The following PRKCE variants were observed in gnomAD, a reference collection of about 807,000 sequenced individuals.
PRKCE encodes the protein protein kinase C epsilon.
Under a neutral mutation model 85.4 loss-of-function variants are expected in PRKCE, and 16 were observed. That is an observed-to-expected ratio of 0.19 (90% confidence interval 0.13 to 0.28). The LOEUF is 0.28. Ranked by LOEUF, PRKCE falls within the 10% of genes least tolerant of loss-of-function variation. The pLI is 1.00. For synonymous variants in PRKCE, 388 were observed against 371.5 expected, an observed-to-expected ratio of 1.04 and a Z score of -0.51; for missense variants, 573 against 975.2, an observed-to-expected ratio of 0.59 and a Z score of 5.49.
Position 45,774,113 on chromosome 2 carries a change from T to G in PRKCE, c.349-68887T>G, listed in dbSNP as rs1385598849. 2.0e-5 allele frequency among the ~76,000 whole-genome samples: 3 copies of G among 152,162 alleles called. No homozygotes were observed. Among genetic ancestry groups the G allele is most frequent in the Non-Finnish European group, 4.4e-5 (3 of 68,020 alleles). On this transcript the variant is annotated intron_variant, in intron 1 of 14. Transcript: ENST00000306156. The surrounding 1 kb of genome is among the most constrained non-coding windows in gnomAD (Gnocchi z 4.3). ...CCACCCTTTGTTGGTAGGACCTCCC[T>G]TGGAGAGATGGGGGCTGGAGGGAGC... is the stretch of plus-strand genomic sequence containing the variant.
At position 45,815,258 on chromosome 2, in the gene PRKCE, G is replaced by A. The variant is rs376972523; in HGVS notation, c.349-27742G>A. ...CAAGAAAATAATTTTTTTTTACAAT[G>A]TTTATCCAGAAATAATTTGACAAAG... On this transcript the variant is annotated intron_variant, in intron 1 of 14. Coordinates refer to ENST00000306156, the MANE Select transcript of PRKCE (RefSeq NM_005400.3). Among the ~76,000 whole-genome samples, 9 of 152,246 alleles carry A rather than the reference G, an allele frequency of 5.9e-5. No individual in the cohort carries two copies. In the East Asian group the frequency reaches 1.5e-3, roughly 26 times the overall value.
intron 1 of PRKCE, chr2:45,685,541 G>A (rs1214495946): frequency 6.6e-6 from 1 of 152,058 alleles, no homozygotes; most frequent in Non-Finnish European, 1.5e-5. Context: ...TGTAATCCCG[G>A]CACTTTGGGA....
At chr2:45,893,828 A>T (rs914019770) in intron 2 of PRKCE, among the ~76,000 whole-genome samples, 1 of 152,100 alleles carries the variant, frequency 6.6e-6, no homozygotes, top group Non-Finnish European at 1.5e-5. Context: ...GCTCCTGAGG[A>T]CCGGGGCTGG....
intron 2 of PRKCE, among the ~76,000 whole-genome samples, chr2:45,849,533 G>A (rs1028096474): frequency 2.0e-5 from 3 of 152,122 alleles, no homozygotes; most frequent in Non-Finnish European, 4.4e-5. Flanking sequence ...CACTTGAGAG[G>A]TTAAGGAGAG....
intron 1 of PRKCE, among the ~76,000 whole-genome samples, chr2:45,696,249 C>T (rs1678142129): frequency 6.6e-6 from 1 of 152,004 alleles, no homozygotes. Flanking sequence ...AGCCACCACA[C>T]CTGGCCGAAA....
chr2:45,940,835 G>C (rs1699818525), intron 2 of PRKCE, among the ~76,000 whole-genome samples: 1 of 151,956 alleles, frequency 6.6e-6, no homozygotes, highest in Non-Finnish European at 1.5e-5. Context: ...AAAGCAGGCA[G>C]ATCACTTGAG....
chr2:45,833,094 G>A (rs1360113741), intron 1 of PRKCE, among the ~76,000 whole-genome samples: 1 of 147,912 alleles, frequency 6.8e-6, no homozygotes, highest in Non-Finnish European at 1.5e-5. Flanking sequence ...GAGGTGGAAG[G>A]ATCTCTTGAG....
intron 9 of PRKCE, among the ~76,000 whole-genome samples, chr2:46,007,886 TC>T (rs1188896077): frequency 6.6e-6 from 1 of 152,242 alleles, no homozygotes; most frequent in East Asian, 1.9e-4. Context: ...TCTTTGGAAT[TC>T]AATTTTTCTC....
At position 45,884,992 on chromosome 2, in the gene PRKCE, TATATATA is replaced by T. The variant is rs1445133231; in HGVS notation, c.412+41930_412+41936del. Among the ~76,000 whole-genome samples, 259 of 71,650 alleles carry T rather than the reference TATATATA, an allele frequency of 3.6e-3. 5 individuals carry two copies. The highest frequency in any genetic ancestry group is 0.021 in the Middle Eastern group (3 of 144). The allele number at this position is 71,650 out of a possible 152,430, so 47.0% of individuals were successfully genotyped here. On this transcript the variant is annotated intron_variant, in intron 2 of 14. Coordinates refer to ENST00000306156, the MANE Select transcript of PRKCE (RefSeq NM_005400.3). The stretch of plus-strand genomic sequence containing the variant: ...ATATATATATATATATATATATATA[TATATATA>T]TATTTGTTGTTGTTGTTGTTGTTTT...
In PRKCE at chr2:46,013,826, C is replaced by G. The variant is rs3738899; in HGVS notation, c.1437+3309C>G. On this transcript the variant is annotated intron_variant, in intron 10 of 14. Transcript: ENST00000306156. ...GGAAACATTCCTTTGAGAACTTCTT[C>G]TGAGAGATTAGACATTGCTTCAGAC... Among the ~76,000 whole-genome samples the G allele has an allele frequency of 4.1e-4, 63 of 152,262 alleles. 1 individual carries two copies. In the East Asian group the frequency reaches 0.011, roughly 27 times the overall value.
At chr2:45,829,770 C>T (rs1372827860) in intron 1 of PRKCE, among the ~76,000 whole-genome samples, 1 of 152,306 alleles carries the variant, frequency 6.6e-6, no homozygotes, top group Non-Finnish European at 1.5e-5. Flanking sequence ...GCCTAACTTT[C>T]ACATAAAAAA....
intron 6 of PRKCE, among the ~76,000 whole-genome samples, chr2:45,999,061 A>T (rs892850256): frequency 1.3e-5 from 2 of 152,198 alleles, no homozygotes; most frequent in African/African-American, 4.8e-5. Flanking sequence ...ATAATTACAC[A>T]TAATCAGCAC....
At chr2:45,904,675 G>A (rs1696838647) in intron 2 of PRKCE, among the ~76,000 whole-genome samples, 1 of 152,170 alleles carries the variant, frequency 6.6e-6, no homozygotes, top group African/African-American at 2.4e-5. Context: ...GATCTCACCA[G>A]GAAGAAAAAG....
intron 1 of PRKCE, among the ~76,000 whole-genome samples, chr2:45,678,327 A>G (rs886374540): frequency 6.6e-6 from 1 of 152,190 alleles, no homozygotes; most frequent in Non-Finnish European, 1.5e-5. Flanking sequence ...TTTAAATTTT[A>G]TTTTGGCATT....
In PRKCE at chr2:45,652,139, C is replaced by G; in HGVS notation, c.39C>G (p.Cys13Trp). 6.3e-7 allele frequency: 1 copy of G among 1,598,726 alleles called. No individual in the cohort carries two copies. The highest frequency in any genetic ancestry group is 8.5e-7 in the Non-Finnish European group (1 of 1,172,704). ...VFNGLLKIKICEAVSLKPTAW... is the reference protein window; with the variant it reads ...VFNGLLKIKIWEAVSLKPTAW... ...ATGGCCTTCTTAAGATCAAAATCTG[C>G]GAGGCCGTGAGCTTGAAGCCCACAG... is the stretch of plus-strand genomic sequence containing the variant. Residue 13 changes from cysteine to tryptophan, a missense_variant, in exon 1 of 15, where the codon TGC (cysteine) becomes TGG (tryptophan). Around this residue, in one of 11 missense-constraint regions of PRKCE, gnomAD observed 100 missense variants for 177.1 expected, o/e 0.56. Coordinates refer to ENST00000306156, the MANE Select transcript of PRKCE (RefSeq NM_005400.3). This position sits in a 1 kb window ranked among gnomAD's most constrained non-coding sequence, Gnocchi z 7.7.
At chr2:45,932,185 T>A (rs1025520249) in intron 2 of PRKCE, among the ~76,000 whole-genome samples, 3 of 152,336 alleles carry the variant, frequency 2.0e-5, no homozygotes, top group African/African-American at 7.2e-5. Context: ...ATTTATACAG[T>A]GTATACTGTT....
At position 46,097,519 on chromosome 2, in the gene PRKCE, C is replaced by CAAAAAAAAAAAAAAAAAAAAAAAA. The variant is rs66634467; in HGVS notation, c.1592+11175_1592+11176insAAAAAAAAAAAAAAAAAAAAAAAA. The stretch of plus-strand genomic sequence containing the variant: ...TGGGAGACAGAGCGAGACTCCGTCT[C>CAAAAAAAAAAAAAAAAAAAAAAAA]AAAAAAAAAAAAAAAAAAGCTGTGA... On this transcript the variant is annotated intron_variant, in intron 11 of 14. Coordinates refer to ENST00000306156, the MANE Select transcript of PRKCE (RefSeq NM_005400.3). 3.7e-3 allele frequency among the ~76,000 whole-genome samples: 343 copies of CAAAAAAAAAAAAAAAAAAAAAAAA among 93,964 alleles called. 2 individuals carry two copies. Among genetic ancestry groups the CAAAAAAAAAAAAAAAAAAAAAAAA allele is most frequent in the Middle Eastern group, 5.9e-3 (1 of 170 alleles). 61.6% of individuals were successfully genotyped at this position (93,964 alleles called of 152,430 possible).
At chr2:45,877,676 A>G (rs1424147769) in intron 2 of PRKCE, among the ~76,000 whole-genome samples, 1 of 152,190 alleles carries the variant, frequency 6.6e-6, no homozygotes, top group Non-Finnish European at 1.5e-5. Flanking sequence ...AAGTGTGGCT[A>G]TTTCATAGTC....
chr2:45,754,414 G>T (rs1042131156), intron 1 of PRKCE, among the ~76,000 whole-genome samples: 3 of 152,160 alleles, frequency 2.0e-5, no homozygotes, highest in Non-Finnish European at 4.4e-5. Context: ...AAGAATCTTG[G>T]CTGTGGCTGT....
Sources: allele counts gnomAD v4.1 joint callset (sites outside exome capture counted in the v4.1 genomes callset), GRCh38; gene constraint gnomAD v4.1.1; regional missense constraint gnomAD v4.1.1; non-coding constraint Gnocchi (gnomAD v3.1); transcripts MANE v1.5; gene names NCBI Gene and HGNC (gene_info 2026-07-23, HGNC 2026-07-21).